Variants in TXLNB observed in about 807,000 individuals in gnomAD.
The protein encoded by TXLNB is beta-taxilin.
A neutral mutation model predicts 57.4 loss-of-function variants in TXLNB; 37 were observed. That is an observed-to-expected ratio of 0.64 (90% CI 0.50 to 0.85). TXLNB has a LOEUF of 0.85. Among genes scored for constraint, TXLNB ranks in the 40% least tolerant of loss-of-function variants. The pLI is 0.00. For missense variants in TXLNB, 848 were observed against 825.6 expected (o/e 1.03, Z -0.33); for synonymous variants, 302 against 309.6 (o/e 0.98, Z 0.26).
chr6:139,177,008 C>T, the TXLNB span: 1 of 872,792 alleles, frequency 1.1e-6, no homozygotes, highest in Non-Finnish European at 2.0e-6. This position sits in a 1 kb window ranked among gnomAD's most constrained non-coding sequence, Gnocchi z 4.9. Context: ...CAGTACTTCT[C>T]CGAATATAGC....
the TXLNB span, among the ~76,000 whole-genome samples, chr6:139,309,672 C>T: frequency 6.6e-6 from 1 of 152,166 alleles, no homozygotes; most frequent in Non-Finnish European, 1.5e-5. Context: ...TACCTGTAAT[C>T]CCAAAACTTT....
the TXLNB span, among the ~76,000 whole-genome samples, chr6:139,206,255 A>G: frequency 6.6e-6 from 1 of 152,238 alleles, no homozygotes; most frequent in South Asian, 2.1e-4. Flanking sequence ...GGCCTATAAA[A>G]TAATAACACA....
chr6:139,217,355 G>T, the TXLNB span, among the ~76,000 whole-genome samples: 3 of 152,168 alleles, frequency 2.0e-5, no homozygotes, highest in Non-Finnish European at 2.9e-5. Context: ...AAGCCACTTT[G>T]CACAGAAGCT....
downstream of TXLNB, among the ~76,000 whole-genome samples, chr6:139,238,517 G>A (rs929590162): frequency 8.5e-5 from 13 of 152,230 alleles, no homozygotes; most frequent in Admixed American, 5.2e-4. Flanking sequence ...ACACGCACAT[G>A]TGACAGAAGC....
chr6:139,323,322 G>A, the TXLNB span, among the ~76,000 whole-genome samples: 5 of 144,196 alleles, frequency 3.5e-5, no homozygotes, highest in South Asian at 2.1e-4. Context: ...TCGCTCTGTC[G>A]CCTAGGCTGG....
At chr6:139,278,456 A>G (rs1028851684) in intron 2 of TXLNB, among the ~76,000 whole-genome samples, 1 of 152,188 alleles carries the variant, frequency 6.6e-6, no homozygotes, top group Admixed American at 6.5e-5. Context: ...TTTGCAGCTG[A>G]TAATCACTGA....
the TXLNB span, among the ~76,000 whole-genome samples, chr6:139,208,598 T>C: frequency 6.6e-6 from 1 of 152,176 alleles, no homozygotes. Context: ...TCCACCATGA[T>C]CAAGTGGGTT....
Position 139,243,285 on chromosome 6 carries a change from G to T in TXLNB, c.1296C>A (p.Cys432Ter). The T allele has an allele frequency of 6.2e-7, 1 of 1,611,956 alleles. No individual in the cohort carries two copies. Residue 432 changes from cysteine to a stop codon, truncating the protein, a stop_gained, in exon 10 of 10, where the codon TGC (cysteine) becomes TGA (stop). Coordinates refer to ENST00000358430, the MANE Select transcript of TXLNB (RefSeq NM_153235.4). LOFTEE classifies it low-confidence loss of function (END_TRUNC). Reference protein sequence around the residue: ...EKALRAKEYECFVMKIGRLEN... With the variant: ...EKALRAKEYE The stretch of plus-strand genomic sequence containing the variant: ...CTAGCCTCCCGATTTTCATCACAAA[G>T]CACTCATATTCTTTAGCTCTCAGTG...
Position 139,240,825 on chromosome 6 carries a change from G to A in TXLNB, c.*1701C>T, listed in dbSNP as rs1044412735. The stretch of plus-strand genomic sequence containing the variant: ...TGTAGCATATGGTTGCTGCCTACAA[G>A]CACTTTGTGTGCCTTGGCAAACAGC... On this transcript the variant is annotated 3_prime_UTR_variant, in exon 10 of 10. Coordinates refer to ENST00000358430, the MANE Select transcript of TXLNB (RefSeq NM_153235.4). The A allele has an allele frequency of 6.6e-6, 1 of 152,242 alleles. No homozygotes were observed. The highest frequency in any genetic ancestry group is 1.5e-5 in the Non-Finnish European group (1 of 68,030). 9.4% of individuals were successfully genotyped at this position (152,242 alleles called of 1,614,324 possible). A position where few individuals can be genotyped will look rare whatever the true frequency, so the allele number is the denominator to read the frequency against.
intron 8 of TXLNB, among the ~76,000 whole-genome samples, chr6:139,246,559 T>C (rs1284298046): frequency 6.6e-6 from 1 of 152,052 alleles, no homozygotes. Flanking sequence ...CCTTCCAAAA[T>C]GTATTAATTT....
intron 3 of TXLNB, among the ~76,000 whole-genome samples, chr6:139,270,917 T>G (rs1776745593): frequency 1.3e-5 from 2 of 152,208 alleles, no homozygotes; most frequent in African/African-American, 4.8e-5. Flanking sequence ...TAACCAATAT[T>G]GAATAGCCAG....
chr6:139,166,652 C>A, the TXLNB span: 1 of 1,614,124 alleles, frequency 6.2e-7, no homozygotes, highest in East Asian at 2.2e-5. Flanking sequence ...CACAGGGAGG[C>A]CTCCTGGTGA....
the TXLNB span, chr6:139,167,127 C>T: frequency 1.2e-6 from 2 of 1,614,174 alleles, no homozygotes; most frequent in Non-Finnish European, 1.7e-6. Flanking sequence ...GAAGACGATG[C>T]CCAAGTGGGC....
At chr6:139,206,395 A>G in the TXLNB span, among the ~76,000 whole-genome samples, 1 of 152,158 alleles carries the variant, frequency 6.6e-6, no homozygotes, top group Non-Finnish European at 1.5e-5. Context: ...GGTCAGGGGC[A>G]TGGTGGCTCA....
rs17068465 is a variant in TXLNB at position 139,274,685 on chromosome 6, G to A, written c.516+2145C>T. Reference sequence around the variant, plus strand: ...TGGCTCATGGAGAAAATATCGGTAAGTCTGGAAAAGTGATGCTTCCCCAGT... The same window carrying A: ...TGGCTCATGGAGAAAATATCGGTAAATCTGGAAAAGTGATGCTTCCCCAGT... On this transcript the variant is annotated intron_variant, in intron 3 of 9. Transcript: ENST00000358430. Among the ~76,000 whole-genome samples the A allele has an allele frequency of 1.1e-3, 169 of 152,228 alleles. 3 individuals are homozygous for A. In the East Asian group the frequency reaches 0.026, roughly 24 times the overall value.
rs531877303 is a variant in TXLNB, at chr6:139,244,862, C to T, written c.1171-172G>A. On this transcript the variant is annotated intron_variant, in intron 8 of 9. Transcript: ENST00000358430. ...GCAGAGTCATAATTTATTTCTGAGC[C>T]GTCTAGGGCAGTGGCAAGCAAACTT... Among the ~76,000 whole-genome samples the T allele has an allele frequency of 2.6e-5, 4 of 152,244 alleles. No individual in the cohort carries two copies. The South Asian group carries it at 6.2e-4, about 24-fold the overall frequency.
chr6:139,167,172 C>T, the TXLNB span: 10 of 1,614,198 alleles, frequency 6.2e-6, no homozygotes, highest in Admixed American at 1.7e-5. Context: ...ATTCTGGCCG[C>T]GCTCAGTGCC....
At chr6:139,233,333 A>G in the TXLNB span, among the ~76,000 whole-genome samples, 1 of 147,688 alleles carries the variant, frequency 6.8e-6, no homozygotes, top group African/African-American at 2.5e-5. Context: ...TTTATAAGAG[A>G]CTGCCTTTAC....
chr6:139,183,009 AAAC>A, the TXLNB span: 1 of 152,256 alleles, frequency 6.6e-6, no homozygotes, highest in Admixed American at 6.5e-5. Context: ...AATTCCTAAT[AAAC>A]CCAGTTATTC....
Sources: gnomAD v4.1 joint callset for allele counts (sites outside exome capture counted in the v4.1 genomes callset) on GRCh38, gnomAD v4.1.1 for gene constraint, Gnocchi (gnomAD v3.1) non-coding constraint, MANE v1.5 for transcripts, NCBI Gene and HGNC (gene_info 2026-07-23, HGNC 2026-07-21) for gene names.